The following METTL15 variants were observed in gnomAD, a reference collection of about 807,000 sequenced individuals.
METTL15 encodes the protein 12S rRNA N(4)-cytidine methyltransferase METTL15.
In METTL15, 34 loss-of-function variants were observed where a neutral mutation model predicts 38.3. The observed-to-expected ratio is 0.89, with a 90% CI of 0.68 to 1.18. The LOEUF is 1.18. Ranked by LOEUF, METTL15 falls within the 50% of genes most tolerant of loss-of-function variation. The pLI, the probability that METTL15 is intolerant of heterozygous loss-of-function variation, is 0.00. For missense variants in METTL15, 438 were observed against 498.4 expected (o/e 0.88, Z 1.15); for synonymous variants, 162 against 170.9 (o/e 0.95, Z 0.41).
At chr11:28,459,580 A>G (rs1030129403) in intron 6 of METTL15, among the ~76,000 whole-genome samples, 1 of 152,142 alleles carries the variant, frequency 6.6e-6, no homozygotes, top group Admixed American at 6.6e-5. Context: ...TACTCCTATG[A>G]TCAATTTTAG....
At chr11:28,244,134 A>G (rs1384185002) in intron 4 of METTL15, among the ~76,000 whole-genome samples, 3 of 152,184 alleles carry the variant, frequency 2.0e-5, no homozygotes, top group Non-Finnish European at 4.4e-5. Flanking sequence ...AGAACATACA[A>G]CTAAAAAGCA....
chr11:28,333,987 CTG>C (rs1849877135), downstream of METTL15, among the ~76,000 whole-genome samples: 1 of 151,692 alleles, frequency 6.6e-6, no homozygotes, highest in African/African-American at 2.4e-5. Flanking sequence ...GATAATGAAT[CTG>C]TACTGCAGAC....
At chr11:28,287,889 C>G (rs1856347917) in intron 4 of METTL15, among the ~76,000 whole-genome samples, 1 of 152,084 alleles carries the variant, frequency 6.6e-6, no homozygotes. Context: ...GCAACCCAAC[C>G]TCTTAAAATC....
chr11:28,389,682 C>G (rs1277869495), intron 5 of METTL15, among the ~76,000 whole-genome samples: 1 of 151,792 alleles, frequency 6.6e-6, no homozygotes, highest in African/African-American at 2.4e-5. Flanking sequence ...AATAGTGCCA[C>G]AATAAACATA....
chr11:28,479,599 CTT>C (rs1312134749), intron 6 of METTL15, among the ~76,000 whole-genome samples: 2 of 152,118 alleles, frequency 1.3e-5, no homozygotes, highest in African/African-American at 4.8e-5. Context: ...CCTGTAGTCT[CTT>C]TTCCTATTTT....
At chr11:28,145,128 T>A (rs1382316821) in intron 3 of METTL15, 1 of 153,432 alleles carries the variant, frequency 6.5e-6, no homozygotes, top group Admixed American at 6.6e-5. Context: ...ATGTGGCCAA[T>A]CTAGGCTTCA....
At chr11:28,501,988 C>G (rs1169009874) in intron 6 of METTL15, among the ~76,000 whole-genome samples, 1 of 151,750 alleles carries the variant, frequency 6.6e-6, no homozygotes, top group Non-Finnish European at 1.5e-5. Context: ...GTAGTCCCAG[C>G]TACTCGGGAG....
At chr11:28,407,960 G>C (rs1850688528) in intron 5 of METTL15, among the ~76,000 whole-genome samples, 2 of 152,144 alleles carry the variant, frequency 1.3e-5, no homozygotes, top group African/African-American at 2.4e-5. Flanking sequence ...ATACACCATG[G>C]AATACTGTGC....
chr11:28,410,595 A>C (rs1424314920), intron 5 of METTL15: 1 of 152,122 alleles, frequency 6.6e-6, no homozygotes, highest in Non-Finnish European at 1.5e-5. Flanking sequence ...TGAAAACTCA[A>C]CAGTTTAGGT....
intron 6 of METTL15, among the ~76,000 whole-genome samples, chr11:28,430,387 C>CT (rs1850909604): frequency 2.6e-5 from 2 of 77,448 alleles, no homozygotes; most frequent in African/African-American, 9.1e-5. Flanking sequence ...GGGTCAGCCC[C>CT]CCGCCCGGCC....
intron 4 of METTL15, among the ~76,000 whole-genome samples, chr11:28,354,788 A>G (rs1350075211): frequency 6.6e-6 from 1 of 152,214 alleles, no homozygotes; most frequent in African/African-American, 2.4e-5. Context: ...TTATTTTTAA[A>G]TCAGTATTGA....
intron 6 of METTL15, chr11:28,477,426 AC>A (rs1445762431): frequency 6.6e-6 from 1 of 151,450 alleles, no homozygotes; most frequent in African/African-American, 2.4e-5. Context: ...CAGGTTATCC[AC>A]CTCCTTGGCC....
Position 28,369,168 on chromosome 11 carries a change from T to G in METTL15, c.*358+7132T>G, listed in dbSNP as rs1590347588. Among the ~76,000 whole-genome samples the G allele has an allele frequency of 2.0e-5, 3 of 150,972 alleles. No individual in the cohort carries two copies. In the East Asian group the frequency reaches 5.9e-4, roughly 29 times the overall value. ...AAGCATAATTTAAAATAAATAAAAA[T>G]TTATTAGTGAAGTCCGACAAAAACT... is the stretch of plus-strand genomic sequence containing the variant. On this transcript the variant is annotated intron_variant and NMD_transcript_variant, in intron 5 of 7. Transcript: ENST00000532947.
chr11:28,462,841 A>C (rs1851227447), intron 6 of METTL15, among the ~76,000 whole-genome samples: 1 of 152,132 alleles, frequency 6.6e-6, no homozygotes, highest in African/African-American at 2.4e-5. Context: ...AGTTATTGGT[A>C]AGGAAAATAA....
At chr11:28,317,745 T>C (rs1857530597) in intron 6 of METTL15, among the ~76,000 whole-genome samples, 1 of 152,216 alleles carries the variant, frequency 6.6e-6, no homozygotes, top group Non-Finnish European at 1.5e-5. Flanking sequence ...TCTATTATTA[T>C]ATGTAGTGCA....
chr11:28,502,810 G>A (rs1000113237), intron 6 of METTL15, among the ~76,000 whole-genome samples: 4 of 152,106 alleles, frequency 2.6e-5, no homozygotes, highest in Non-Finnish European at 5.9e-5. Context: ...AAAAAGAGCA[G>A]AACTTATGGG....
chr11:28,365,950 T>A (rs910883777), intron 5 of METTL15, among the ~76,000 whole-genome samples: 4 of 152,076 alleles, frequency 2.6e-5, no homozygotes, highest in Non-Finnish European at 5.9e-5. Context: ...ACTCGGAGGC[T>A]GAGGCAGGAG....
chr11:28,352,768 T>C (rs539971426), intron 4 of METTL15, among the ~76,000 whole-genome samples: 145 of 152,130 alleles, frequency 9.5e-4, no homozygotes, highest in East Asian at 7.0e-3. Context: ...GTGAAGCTCA[T>C]TGAGGGAGGA....
At chr11:28,203,459 A>G (rs1343552165) in intron 3 of METTL15, among the ~76,000 whole-genome samples, 2 of 152,132 alleles carry the variant, frequency 1.3e-5, no homozygotes, top group African/African-American at 2.4e-5. Context: ...ATGTTTCCAT[A>G]TGTATCTATC....
Sources: gnomAD v4.1 joint callset for allele counts (sites outside exome capture counted in the v4.1 genomes callset) on GRCh38, gnomAD v4.1.1 for gene constraint, MANE v1.5 for transcripts, NCBI Gene and HGNC (gene_info 2026-07-23, HGNC 2026-07-21) for gene names.